Variants in MYO5B observed in about 807,000 individuals in gnomAD.
MYO5B encodes unconventional myosin-Vb.
MYO5B carries 143 observed loss-of-function variants against 229.3 expected under a neutral mutation model. The ratio of observed to expected loss-of-function variants is 0.62; its 90% CI spans 0.54 to 0.72. The LOEUF is 0.72. Among genes scored for constraint, MYO5B ranks in the 30% least tolerant of loss-of-function variants. The probability of loss-of-function intolerance (pLI) is 0.00; values close to 1 mark genes in which losing one functional copy is unlikely to be tolerated. For synonymous variants in MYO5B, 918 were observed against 885.2 expected (o/e 1.04, Z -0.66); for missense variants, 2,321 against 2,331.0 (o/e 1.00, Z 0.09).
intron 4 of MYO5B, among the ~76,000 whole-genome samples, chr18:50,008,121 C>T (rs1239924398): frequency 6.6e-6 from 1 of 152,262 alleles, no homozygotes; most frequent in East Asian, 1.9e-4. Context: ...TAACAAATCC[C>T]TCCATAATAA....
At chr18:49,906,274 G>A in intron 19 of MYO5B, 145 bp downstream of exon 19, 1 of 778,440 alleles carries the variant, frequency 1.3e-6, no homozygotes, top group Non-Finnish European at 2.2e-6. Flanking sequence ...AGGCCCAGCT[G>A]CCGAGGAAAA....
chr18:50,150,088 A>G (rs1431884363), intron 1 of MYO5B, among the ~76,000 whole-genome samples: 1 of 147,562 alleles, frequency 6.8e-6, no homozygotes, highest in Non-Finnish European at 1.5e-5. Flanking sequence ...AAAAATGCTC[A>G]CCATCACTGG....
chr18:49,934,344 C>G (rs2025226856), intron 16 of MYO5B, among the ~76,000 whole-genome samples: 1 of 152,188 alleles, frequency 6.6e-6, no homozygotes, highest in Non-Finnish European at 1.5e-5. Context: ...ATGACATGGT[C>G]AGTATTCCTC....
chr18:49,894,812 G>C, intron 22 of MYO5B, 129 bp downstream of exon 22: 2 of 789,058 alleles, frequency 2.5e-6, no homozygotes, highest in Non-Finnish European at 2.2e-6. Context: ...CAGATGAATG[G>C]TCAGTCTGTG....
intron 21 of MYO5B, among the ~76,000 whole-genome samples, chr18:49,896,352 G>C (rs2024778982): frequency 6.6e-6 from 1 of 152,158 alleles, no homozygotes; most frequent in South Asian, 2.1e-4. Context: ...CTGCAGCCTT[G>C]ATCTAAGGCA....
At chr18:49,936,131 G>A (rs1326283860) in intron 16 of MYO5B, 121 bp downstream of exon 16, 2 of 800,950 alleles carry the variant, frequency 2.5e-6, no homozygotes, top group East Asian at 5.4e-5. Flanking sequence ...TGTCTGGGGA[G>A]TGTAAGTCCA....
chr18:50,142,626 C>CA (rs2032435357), intron 1 of MYO5B, among the ~76,000 whole-genome samples: 1 of 152,198 alleles, frequency 6.6e-6, no homozygotes, highest in Non-Finnish European at 1.5e-5. Context: ...TTAATTGTTT[C>CA]AGTTTCACTT....
intron 1 of MYO5B, among the ~76,000 whole-genome samples, chr18:50,185,993 G>A (rs575928475): frequency 1.3e-5 from 2 of 152,336 alleles, no homozygotes; most frequent in African/African-American, 4.8e-5. Flanking sequence ...CTACAACTGT[G>A]AGCCACCTGT....
intron 22 of MYO5B, among the ~76,000 whole-genome samples, chr18:49,887,110 G>A (rs2024651932): frequency 6.6e-6 from 1 of 152,140 alleles, no homozygotes; most frequent in Admixed American, 6.5e-5. Flanking sequence ...ACAATAGAAG[G>A]TGTAGGTGGC....
intron 14 of MYO5B, among the ~76,000 whole-genome samples, chr18:49,944,284 G>T (rs1860523026): frequency 2.0e-5 from 3 of 152,066 alleles, no homozygotes; most frequent in Admixed American, 2.0e-4. Flanking sequence ...GTCAGGATTT[G>T]AACCCAGACA....
chr18:50,187,419 G>C (rs924458173), intron 1 of MYO5B, among the ~76,000 whole-genome samples: 1 of 152,050 alleles, frequency 6.6e-6, no homozygotes, highest in East Asian at 1.9e-4. Context: ...CAGCATTTAT[G>C]ATGTGTTCTT....
chr18:49,939,694 A>T (rs1467540041), intron 14 of MYO5B, among the ~76,000 whole-genome samples: 1 of 152,200 alleles, frequency 6.6e-6, no homozygotes, highest in Non-Finnish European at 1.5e-5. Flanking sequence ...TCAGTGGCTG[A>T]GCCTGGGCTA....
At chr18:50,175,693 G>C (rs1457040069) in intron 1 of MYO5B, among the ~76,000 whole-genome samples, 1 of 152,202 alleles carries the variant, frequency 6.6e-6, no homozygotes, top group African/African-American at 2.4e-5. Flanking sequence ...GAAGTTTTAA[G>C]GTCATAAAGG....
At chr18:50,040,080 G>A in intron 3 of MYO5B, 63 bp downstream of exon 3, 1 of 1,543,238 alleles carries the variant, frequency 6.5e-7, no homozygotes, top group Non-Finnish European at 9.0e-7. Flanking sequence ...CATTTGAGTT[G>A]AGCAAGTCTA....
At position 49,839,204 on chromosome 18, in the gene MYO5B, A is replaced by C; in HGVS notation, c.4792T>G (p.Ser1598Ala). The C allele has an allele frequency of 6.2e-7, 1 of 1,614,140 alleles. No individual in the cohort carries two copies. ...ATGAGCTGCTGGTAGATCTGAATGGAAAGGTCACTCAGCACCTGACGGTAT... is the reference window on the plus strand; with the variant it reads ...ATGAGCTGCTGGTAGATCTGAATGGCAAGGTCACTCAGCACCTGACGGTAT... ...TEYRQVLSDL[S>A]IQIYQQLIKI... The change falls in exon 36 of 40, where the codon TCC (serine) becomes GCC (alanine). Residue 1598 changes from serine to alanine, a missense_variant. Transcript: ENST00000285039.
intron 22 of MYO5B, among the ~76,000 whole-genome samples, chr18:49,893,652 T>G (rs1042848679): frequency 6.6e-6 from 1 of 152,162 alleles, no homozygotes; most frequent in Admixed American, 6.5e-5. Flanking sequence ...GCGTCTTACT[T>G]TCTTCTTCCC....
In MYO5B at chr18:49,902,582, G is replaced by A. The variant is rs1322052946; in HGVS notation, c.2811+12C>T. On this transcript the variant is annotated intron_variant, in intron 21 of 39. Coordinates refer to ENST00000285039, the MANE Select transcript of MYO5B (RefSeq NM_001080467.3). ...GCCCCCGACACCCAGGTAGGGAGCT[G>A]CAGACACTGACCTGCTCATCGATCT... is the stretch of plus-strand genomic sequence containing the variant. 6.2e-7 allele frequency: 1 copy of A among 1,610,194 alleles called. No individual in the cohort carries two copies. Among genetic ancestry groups the A allele is most frequent in the Admixed American group, 1.7e-5 (1 of 60,032 alleles).
intron 5 of MYO5B, 67 bp downstream of exon 5, chr18:50,001,187 GC>G: frequency 6.2e-7 from 1 of 1,600,854 alleles, no homozygotes; most frequent in Non-Finnish European, 8.6e-7. Flanking sequence ...CAGGCTTGAC[GC>G]CCAGCAGTCT....
chr18:49,926,609 C>CA (rs907371748), intron 17 of MYO5B, among the ~76,000 whole-genome samples: 3 of 152,332 alleles, frequency 2.0e-5, no homozygotes, highest in Non-Finnish European at 2.9e-5. Flanking sequence ...ACCCCTATTT[C>CA]AGGCAAGTGT....
Sources: allele counts gnomAD v4.1 joint callset (sites outside exome capture counted in the v4.1 genomes callset), GRCh38; gene constraint gnomAD v4.1.1; transcripts MANE v1.5; gene names NCBI Gene and HGNC (gene_info 2026-07-23, HGNC 2026-07-21).